GPC5: variants seen among roughly 807,000 people sequenced by gnomAD.
GPC5 encodes the protein glypican-5.
GPC5 carries 47 observed loss-of-function variants against 53.9 expected under a neutral mutation model. The ratio of observed to expected loss-of-function variants is 0.87; its 90% CI spans 0.69 to 1.11. GPC5 has a LOEUF of 1.11. Among genes scored for constraint, GPC5 ranks in the 50% most tolerant of loss-of-function variants. The pLI, the probability that GPC5 is intolerant of heterozygous loss-of-function variation, is 0.00. For synonymous variants in GPC5, 286 were observed against 263.3 expected (o/e 1.09, Z -0.84); for missense variants, 748 against 713.1 (o/e 1.05, Z -0.56).
intron 6 of GPC5, among the ~76,000 whole-genome samples, chr13:92,011,361 T>A (rs146738664): frequency 2.0e-5 from 3 of 152,326 alleles, no homozygotes; most frequent in Admixed American, 2.0e-4. Context: ...GTGTTATCCA[T>A]GTGAAATATT....
At chr13:91,910,313 G>A (rs964407572) in intron 6 of GPC5, among the ~76,000 whole-genome samples, 4 of 152,130 alleles carry the variant, frequency 2.6e-5, no homozygotes, top group African/African-American at 9.7e-5. Flanking sequence ...CACAATGTCA[G>A]CTATGAAAGG....
Position 92,742,046 on chromosome 13 carries a change from C to T in GPC5, c.1562-124236C>T, listed in dbSNP as rs61974498. Among the ~76,000 whole-genome samples the T allele has an allele frequency of 1.3e-4, 20 of 151,858 alleles. 1 individual carries two copies. The highest frequency in any genetic ancestry group is 6.6e-4 in the Admixed American group (10 of 15,192). Reference sequence around the variant, plus strand: ...TGTGAATACTGCCACAATAAACATACGTGTGCATGTGTCTTTATAGCAGCA... The same window carrying T: ...TGTGAATACTGCCACAATAAACATATGTGTGCATGTGTCTTTATAGCAGCA... On this transcript the variant is annotated intron_variant, in intron 7 of 7. Coordinates refer to ENST00000377067, the MANE Select transcript of GPC5 (RefSeq NM_004466.6).
chr13:92,808,653 A>G (rs974245932), intron 7 of GPC5, among the ~76,000 whole-genome samples: 3 of 152,130 alleles, frequency 2.0e-5, no homozygotes, highest in African/African-American at 7.2e-5. Context: ...TTACCCTGAG[A>G]TGTATACAAC....
chr13:91,620,536 G>A (rs1164580437), intron 2 of GPC5, among the ~76,000 whole-genome samples: 1 of 152,094 alleles, frequency 6.6e-6, no homozygotes, highest in Non-Finnish European at 1.5e-5. Context: ...AATCTGTTCT[G>A]CATCTCTCTT....
At chr13:92,516,949 C>G (rs1353640233) in intron 7 of GPC5, among the ~76,000 whole-genome samples, 2 of 152,060 alleles carry the variant, frequency 1.3e-5, no homozygotes, top group African/African-American at 4.8e-5. Context: ...GGGTGACAAA[C>G]TGCACCTGGA....
At chr13:91,814,569 T>G (rs2138814140) in intron 5 of GPC5, among the ~76,000 whole-genome samples, 1 of 150,700 alleles carries the variant, frequency 6.6e-6, no homozygotes, top group Non-Finnish European at 1.5e-5. Context: ...AGACAGAGTT[T>G]CACTCTCGTC....
In GPC5 at chr13:92,589,774, G is replaced by A. The variant is rs566459432; in HGVS notation, c.1562-276508G>A. ...GAGAGAAGTCCACATAGGATTCAGAGTTAGTATTTTGTATGCTAGAGAAAT... is the reference window on the plus strand; with the variant it reads ...GAGAGAAGTCCACATAGGATTCAGAATTAGTATTTTGTATGCTAGAGAAAT... On this transcript the variant is annotated intron_variant, in intron 7 of 7. Transcript: ENST00000377067. 5.9e-5 allele frequency among the ~76,000 whole-genome samples: 9 copies of A among 152,284 alleles called. No individual in the cohort carries two copies. The South Asian group carries it at 1.7e-3, about 28-fold the overall frequency.
chr13:92,253,737 T>A (rs1446742093), intron 7 of GPC5, among the ~76,000 whole-genome samples: 1 of 151,984 alleles, frequency 6.6e-6, no homozygotes, highest in Non-Finnish European at 1.5e-5. Flanking sequence ...TAGAATAACA[T>A]GACTTGAAAG....
At chr13:92,184,529 A>C (rs916292925) in intron 7 of GPC5, among the ~76,000 whole-genome samples, 20 of 152,246 alleles carry the variant, frequency 1.3e-4, no homozygotes, top group Non-Finnish European at 2.1e-4. Context: ...TGTCTCCTTA[A>C]ATAACTAAGA....
intron 6 of GPC5, among the ~76,000 whole-genome samples, chr13:92,138,246 C>A (rs766656667): frequency 1.3e-5 from 2 of 152,084 alleles, no homozygotes; most frequent in African/African-American, 2.4e-5. Context: ...CTTGGCCAGG[C>A]GCAGTGGCTC....
intron 7 of GPC5, among the ~76,000 whole-genome samples, chr13:92,358,010 A>G (rs2043536750): frequency 6.6e-6 from 1 of 151,728 alleles, no homozygotes; most frequent in African/African-American, 2.4e-5. Context: ...CATTAACTCA[A>G]AAGTCCACAG....
chr13:91,766,170 G>A (rs2138679840), intron 5 of GPC5, among the ~76,000 whole-genome samples: 1 of 152,324 alleles, frequency 6.6e-6, no homozygotes, highest in East Asian at 1.9e-4. Flanking sequence ...AGTGGGAATA[G>A]TTTACAAAAT....
chr13:92,562,103 G>C (rs1486820845), intron 7 of GPC5, among the ~76,000 whole-genome samples: 1 of 151,946 alleles, frequency 6.6e-6, no homozygotes, highest in Admixed American at 6.6e-5. Context: ...AATTCCCCAT[G>C]GTGCCTTCAA....
At chr13:91,591,812 C>G (rs1237347022) in intron 2 of GPC5, among the ~76,000 whole-genome samples, 3 of 152,098 alleles carry the variant, frequency 2.0e-5, no homozygotes, top group East Asian at 3.9e-4. Context: ...CTTAAAATGC[C>G]TATTTCGTCT....
chr13:92,250,099 T>C (rs2042681741), intron 7 of GPC5, among the ~76,000 whole-genome samples: 1 of 152,092 alleles, frequency 6.6e-6, no homozygotes, highest in Admixed American at 6.6e-5. Context: ...AATCAGATTA[T>C]GAATTGTGGT....
intron 7 of GPC5, among the ~76,000 whole-genome samples, chr13:92,266,757 C>G (rs2042805070): frequency 6.6e-6 from 1 of 152,030 alleles, no homozygotes; most frequent in Admixed American, 6.5e-5. Context: ...TGGCGTTTTC[C>G]CATAAATTAA....
At chr13:92,047,234 T>A (rs2040989174) in intron 6 of GPC5, among the ~76,000 whole-genome samples, 1 of 152,166 alleles carries the variant, frequency 6.6e-6, no homozygotes, top group Non-Finnish European at 1.5e-5. Context: ...CCTGATCATT[T>A]TTTTTATAAC....
chr13:92,206,496 G>A (rs1266054416), intron 7 of GPC5, among the ~76,000 whole-genome samples: 1 of 151,830 alleles, frequency 6.6e-6, no homozygotes, highest in African/African-American at 2.4e-5. Flanking sequence ...GTCATGCCAT[G>A]TATTTTTATG....
intron 5 of GPC5, among the ~76,000 whole-genome samples, chr13:91,791,340 C>T (rs376139494): frequency 2.6e-5 from 4 of 152,186 alleles, no homozygotes; most frequent in South Asian, 2.1e-4. Flanking sequence ...AAGACACAGC[C>T]GCTACCTAGA....
Sources: gnomAD v4.1 joint callset for allele counts (sites outside exome capture counted in the v4.1 genomes callset) on GRCh38, gnomAD v4.1.1 for gene constraint, MANE v1.5 for transcripts, NCBI Gene and HGNC (gene_info 2026-07-23, HGNC 2026-07-21) for gene names.